The following HM13 variants were observed in gnomAD, a reference collection of about 807,000 sequenced individuals.
HM13 encodes the protein signal peptide peptidase.
Under a neutral mutation model 50.0 loss-of-function variants are expected in HM13, and 18 were observed. That is an observed-to-expected ratio of 0.36 (90% CI 0.25 to 0.53). HM13 has a LOEUF of 0.53. Ranked by LOEUF, HM13 falls within the 20% of genes least tolerant of loss-of-function variation. The pLI is 0.90. For missense variants in HM13, 393 were observed against 552.4 expected (o/e 0.71, Z 2.89); for synonymous variants, 197 against 232.6 (o/e 0.85, Z 1.39).
intron 11 of HM13, 97 bp from the exon 12 acceptor site, chr20:31,567,981 G>T: frequency 9.1e-7 from 1 of 1,102,126 alleles, no homozygotes; most frequent in East Asian, 2.7e-5. Flanking sequence ...AAACAAGACA[G>T]TTCTGCTCTC....
At chr20:31,535,382 C>G (rs759536360) in intron 2 of HM13, 1 of 151,952 alleles carries the variant, frequency 6.6e-6, no homozygotes, top group Non-Finnish European at 1.5e-5. Context: ...AGGACCACAC[C>G]CATACCCCAT....
intron 7 of HM13, among the ~76,000 whole-genome samples, chr20:31,553,713 C>T (rs997058203): frequency 6.6e-6 from 1 of 152,008 alleles, no homozygotes. Context: ...CAGAGGGAGG[C>T]GTTTCTCCCT....
intron 1 of HM13, among the ~76,000 whole-genome samples, chr20:31,522,895 T>C (rs1380413081): frequency 6.6e-6 from 1 of 152,068 alleles, no homozygotes; most frequent in East Asian, 1.9e-4. Context: ...GTCCCACAGC[T>C]GGGAAGTAGA....
chr20:31,549,203 T>C lies in HM13; in HGVS notation c.541-4T>C. On this transcript the variant is annotated splice_polypyrimidine_tract_variant and splice_region_variant and intron_variant, in intron 5 of 12. Coordinates refer to ENST00000398174, the MANE Select transcript of HM13 (RefSeq NM_178581.3). ...AAGCTGGTCTCACTCCCCGCTTTCC[T>C]CAGCACTGGATTGCCAACAACCTTT... The C allele has an allele frequency of 6.2e-7, 1 of 1,614,222 alleles. No homozygotes were observed. Among genetic ancestry groups the C allele is most frequent in the Non-Finnish European group, 8.5e-7 (1 of 1,180,032 alleles).
intron 7 of HM13, chr20:31,554,515 T>C: frequency 2.2e-6 from 1 of 454,004 alleles, no homozygotes; most frequent in South Asian, 2.2e-5. Context: ...ACCCCGTCTC[T>C]ACTAAAAATA....
intron 3 of HM13, chr20:31,540,390 TCCCCAACTGTAGCCCATCCTA>T (rs945741736): frequency 6.6e-6 from 1 of 152,104 alleles, no homozygotes; most frequent in African/African-American, 2.4e-5. Context: ...ATTAGGATCC[TCCCCAACTGTAGCCCATCCTA>T]CCCCAGCATC....
intron 3 of HM13, among the ~76,000 whole-genome samples, chr20:31,542,677 CCT>C (rs1482213452): frequency 1.3e-5 from 2 of 152,132 alleles, no homozygotes; most frequent in Non-Finnish European, 2.9e-5. Flanking sequence ...TGACTCCTCC[CCT>C]GTGTAGTGCT....
intron 7 of HM13, 23 bp from the exon 8 acceptor site, chr20:31,554,723 C>T: frequency 1.2e-6 from 2 of 1,604,508 alleles, no homozygotes; most frequent in Non-Finnish European, 8.5e-7. Context: ...GCTGACTCCT[C>T]ACATTCCCGC....
At chr20:31,559,751 C>G (rs6058103) in intron 9 of HM13, 104 bp downstream of exon 9, 30 of 1,028,028 alleles carry the variant, frequency 2.9e-5, no homozygotes, top group Non-Finnish European at 3.4e-5. Flanking sequence ...CCTCCACCCC[C>G]ACAGCAGCCA....
At chr20:31,545,982 T>A (rs1364529386) in intron 4 of HM13, among the ~76,000 whole-genome samples, 1 of 149,878 alleles carries the variant, frequency 6.7e-6, no homozygotes, top group Non-Finnish European at 1.5e-5. Flanking sequence ...CAGGCGTGAG[T>A]GAGCCACCAC....
intron 2 of HM13, among the ~76,000 whole-genome samples, chr20:31,530,710 C>T (rs1378046055): frequency 6.6e-6 from 1 of 151,868 alleles, no homozygotes; most frequent in Non-Finnish European, 1.5e-5. Context: ...TGCCCAGCCT[C>T]TTTCATTCTT....
chr20:31,556,675 G>A (rs898762060), intron 8 of HM13, among the ~76,000 whole-genome samples: 6 of 152,126 alleles, frequency 3.9e-5, no homozygotes, highest in Non-Finnish European at 7.4e-5. Flanking sequence ...GTAATAAGAC[G>A]GTAATCACAA....
chr20:31,558,681 A>G (rs755520020), intron 8 of HM13, among the ~76,000 whole-genome samples: 3 of 152,110 alleles, frequency 2.0e-5, no homozygotes, highest in South Asian at 2.1e-4. Context: ...CAGCCTCCCA[A>G]TAGCTAGAAT....
At chr20:31,561,283 A>T (rs115139445) in intron 9 of HM13, among the ~76,000 whole-genome samples, 1,660 of 152,226 alleles carry the variant, frequency 0.011, 28 homozygotes, top group African/African-American at 0.038. Context: ...TGGGGGTGGG[A>T]CCTAGAATCC....
chr20:31,520,049 G>GT (rs1982057472), intron 1 of HM13, among the ~76,000 whole-genome samples: 2 of 151,942 alleles, frequency 1.3e-5, no homozygotes, highest in Admixed American at 1.3e-4. Context: ...TACAGATGGG[G>GT]TTTTACCATG....
intron 8 of HM13, among the ~76,000 whole-genome samples, chr20:31,558,170 T>C (rs1984419800): frequency 6.6e-6 from 1 of 152,236 alleles, no homozygotes; most frequent in Non-Finnish European, 1.5e-5. Flanking sequence ...TTTTTCTTTT[T>C]TCTTTTTTAG....
At chr20:31,555,184 G>A (rs1984242606) in intron 8 of HM13, among the ~76,000 whole-genome samples, 1 of 152,180 alleles carries the variant, frequency 6.6e-6, no homozygotes, top group South Asian at 2.1e-4. Flanking sequence ...CTGGACCCCT[G>A]TCACACACAC....
At chr20:31,555,686 T>C (rs1283445123) in intron 8 of HM13, among the ~76,000 whole-genome samples, 1 of 151,962 alleles carries the variant, frequency 6.6e-6, no homozygotes, top group Non-Finnish European at 1.5e-5. Context: ...AAGAAGGTTT[T>C]AGCTGGGCAC....
At chr20:31,561,482 A>G (rs1984607700) in intron 9 of HM13, 152 bp from the exon 10 acceptor site, 2 of 638,686 alleles carry the variant, frequency 3.1e-6, no homozygotes, top group Admixed American at 2.3e-5. Context: ...TGGGGGCAGT[A>G]TCAGCGTGCA....
Sources: allele counts gnomAD v4.1 joint callset (sites outside exome capture counted in the v4.1 genomes callset), GRCh38; gene constraint gnomAD v4.1.1; transcripts MANE v1.5; gene names NCBI Gene and HGNC (gene_info 2026-07-23, HGNC 2026-07-21).